The following BCL11B variants were observed in gnomAD, a reference collection of about 807,000 sequenced individuals.
BCL11B encodes the protein B-cell lymphoma/leukemia 11B.
In BCL11B, 8 loss-of-function variants were observed where a neutral mutation model predicts 49.9. The observed-to-expected ratio is 0.16, with a 90% CI of 0.09 to 0.29. The LOEUF (loss-of-function observed/expected upper bound fraction) is 0.29, where lower values mean the gene tolerates loss of function less well. Ranked by LOEUF, BCL11B falls within the 10% of genes least tolerant of loss-of-function variation. BCL11B has a pLI of 1.00. For synonymous variants in BCL11B, 739 were observed against 637.4 expected, an observed-to-expected ratio of 1.16 and a Z score of -2.40; for missense variants, 1,006 against 1,351.0, an observed-to-expected ratio of 0.74 and a Z score of 4.00.
intron 3 of BCL11B, among the ~76,000 whole-genome samples, chr14:99,230,722 A>AGCT (rs2139889426): frequency 6.6e-6 from 1 of 152,228 alleles, no homozygotes; most frequent in East Asian, 1.9e-4. Flanking sequence ...CGGCACAAAC[A>AGCT]GCTGTGTCTG....
At chr14:99,210,082 G>A (rs898839977) in intron 3 of BCL11B, among the ~76,000 whole-genome samples, 9 of 152,112 alleles carry the variant, frequency 5.9e-5, no homozygotes, top group Non-Finnish European at 1.2e-4. Flanking sequence ...TGGGCAGCAC[G>A]ATTGATTAGC....
intron 3 of BCL11B, among the ~76,000 whole-genome samples, chr14:99,177,313 C>A (rs1030134610): frequency 6.6e-6 from 1 of 151,840 alleles, no homozygotes; most frequent in African/African-American, 2.4e-5. Flanking sequence ...TCTGGTGACA[C>A]GGGCAGCAAA....
At position 99,169,819 on chromosome 14, in the gene BCL11B, T is replaced by G. The variant is rs1886229856; in HGVS notation, c.*4332A>C. Reference sequence around the variant, plus strand: ...AAGGCTGATTTCCTTACTTTTCACATTTTGCTTAGAGTAATTCAGTCTCCT... The same window carrying G: ...AAGGCTGATTTCCTTACTTTTCACAGTTTGCTTAGAGTAATTCAGTCTCCT... On this transcript the variant is annotated 3_prime_UTR_variant, in exon 4 of 4. Transcript: ENST00000357195. 1 of 225,410 alleles carries G rather than the reference T, an allele frequency of 4.4e-6. No homozygotes were observed. Among genetic ancestry groups the G allele is most frequent in the Admixed American group, 5.7e-5 (1 of 17,494 alleles). 14.0% of individuals were successfully genotyped at this position (225,410 alleles called of 1,614,324 possible).
At chr14:99,266,543 G>A (rs78706825) in intron 1 of BCL11B, among the ~76,000 whole-genome samples, 1,614 of 152,324 alleles carry the variant, frequency 0.011, 31 homozygotes, top group African/African-American at 0.037. Context: ...AATCAATGGC[G>A]ATAGCTTGAA....
At chr14:99,236,700 C>T (rs1888509783) in intron 2 of BCL11B, among the ~76,000 whole-genome samples, 1 of 152,048 alleles carries the variant, frequency 6.6e-6, no homozygotes, top group African/African-American at 2.4e-5. Flanking sequence ...CAGGGGGCAC[C>T]TCTTGAGAAG....
rs1270350395 is a variant in BCL11B, at chr14:99,228,899, A to C, written c.640+2446T>G. Among the ~76,000 whole-genome samples the C allele has an allele frequency of 6.6e-6, 1 of 152,238 alleles. No individual in the cohort carries two copies. Among genetic ancestry groups the C allele is most frequent in the Non-Finnish European group, 1.5e-5 (1 of 68,050 alleles). On this transcript the variant is annotated intron_variant, in intron 3 of 3. Coordinates refer to ENST00000357195, the MANE Select transcript of BCL11B (RefSeq NM_138576.4). The surrounding 1 kb of genome is among the most constrained non-coding windows in gnomAD (Gnocchi z 4.8). ...GCTAGGTGCCTTCCAAATGGCTTCAAGCTAAAGAATGAATAAATGGATGGA... is the reference window on the plus strand; with the variant it reads ...GCTAGGTGCCTTCCAAATGGCTTCACGCTAAAGAATGAATAAATGGATGGA...
intron 2 of BCL11B, among the ~76,000 whole-genome samples, chr14:99,238,954 T>A (rs1152784): frequency 0.39 from 59,295 of 152,110 alleles, 11,818 homozygotes; most frequent in East Asian, 0.52. Context: ...GTGCATGCAC[T>A]TCTATTATCT....
chr14:99,259,165 G>T (rs1003545567), intron 1 of BCL11B, among the ~76,000 whole-genome samples: 1 of 152,184 alleles, frequency 6.6e-6, no homozygotes, highest in Non-Finnish European at 1.5e-5. Flanking sequence ...GCAGCCAAAG[G>T]TCTGAAACCC....
intron 1 of BCL11B, chr14:99,263,272 A>G (rs909308907): frequency 1.3e-5 from 2 of 153,418 alleles, no homozygotes; most frequent in Non-Finnish European, 2.9e-5. Flanking sequence ...GATACATACC[A>G]CAGCCACCAC....
intron 3 of BCL11B, among the ~76,000 whole-genome samples, chr14:99,199,673 T>C (rs1247590993): frequency 3.1e-3 from 265 of 84,406 alleles, no homozygotes; most frequent in Non-Finnish European, 5.6e-3. Flanking sequence ...TGTGTGTGTG[T>C]GTGTGTGTGT....
rs1889195971 is a variant in BCL11B, at chr14:99,257,368, C to T, written c.427+103G>A. The T allele has an allele frequency of 7.1e-7, 1 of 1,413,204 alleles. No individual in the cohort carries two copies. The highest frequency in any genetic ancestry group is 1.6e-5 in the South Asian group (1 of 62,958). The allele number at this position is 1,413,204 out of a possible 1,614,324, so 87.5% of individuals were successfully genotyped here. On this transcript the variant is annotated intron_variant, in intron 2 of 3. Coordinates refer to ENST00000357195, the MANE Select transcript of BCL11B (RefSeq NM_138576.4). The surrounding 1 kb of genome is among the most constrained non-coding windows in gnomAD (Gnocchi z 6.2). The stretch of plus-strand genomic sequence containing the variant: ...CCCGGCTGGTGGCCCAGAGGCCATC[C>T]TGGAAGCCCCTGGGCCTTCCCCTGC...
rs375678415 is a variant in BCL11B at position 99,207,368 on chromosome 14, G to A, written c.640+23977C>T. ...AACTCTCAGAAATCACCTGGCCAAG[G>A]GCACCTCATCCCTTCCTTTCCAATC... On this transcript the variant is annotated intron_variant, in intron 3 of 3. Transcript: ENST00000357195. Among the ~76,000 whole-genome samples the A allele has an allele frequency of 9.2e-5, 14 of 152,234 alleles. No individual in the cohort carries two copies. In the East Asian group the frequency reaches 1.8e-3, roughly 19 times the overall value.
rs535680637 is a variant in BCL11B at position 99,170,677 on chromosome 14, A to G, written c.*3474T>C. On this transcript the variant is annotated 3_prime_UTR_variant, in exon 4 of 4. Coordinates refer to ENST00000357195, the MANE Select transcript of BCL11B (RefSeq NM_138576.4). ...CACCAAATTCATCCCAGGCCCTCGCATTCGGAAACTGACGGAATGTAGGTT... is the reference window on the plus strand; with the variant it reads ...CACCAAATTCATCCCAGGCCCTCGCGTTCGGAAACTGACGGAATGTAGGTT... The G allele has an allele frequency of 4.3e-6, 1 of 233,450 alleles. No individual in the cohort carries two copies. Among genetic ancestry groups the G allele is most frequent in the Non-Finnish European group, 8.5e-6 (1 of 117,898 alleles). The allele number at this position is 233,450 out of a possible 1,614,324, so 14.5% of individuals were successfully genotyped here. A position where few individuals can be genotyped will look rare whatever the true frequency, so the allele number is the denominator to read the frequency against.
intron 1 of BCL11B, among the ~76,000 whole-genome samples, chr14:99,268,313 C>G (rs146919807): frequency 6.6e-6 from 1 of 151,804 alleles, no homozygotes; most frequent in East Asian, 1.9e-4. Context: ...AAAGACCATG[C>G]GTGCTATTTG....
At chr14:99,176,379 G>A (rs1401211253) in intron 3 of BCL11B, among the ~76,000 whole-genome samples, 184 bp from the exon 4 acceptor site, 1 of 152,186 alleles carries the variant, frequency 6.6e-6, no homozygotes, top group Non-Finnish European at 1.5e-5. Context: ...TGGCTGGGGG[G>A]CCGAAGACGC....
At position 99,257,360 on chromosome 14, in the gene BCL11B, A is replaced by G; in HGVS notation, c.427+111T>C. 7.3e-7 allele frequency: 1 copy of G among 1,376,830 alleles called. No homozygotes were observed. The highest frequency in any genetic ancestry group is 2.4e-5 in the East Asian group (1 of 40,830). The allele number at this position is 1,376,830 out of a possible 1,614,324, so 85.3% of individuals were successfully genotyped here. ...GGGGGAGCCCCGGCTGGTGGCCCAG[A>G]GGCCATCCTGGAAGCCCCTGGGCCT... On this transcript the variant is annotated intron_variant, in intron 2 of 3. Coordinates refer to ENST00000357195, the MANE Select transcript of BCL11B (RefSeq NM_138576.4). This position sits in a 1 kb window ranked among gnomAD's most constrained non-coding sequence, Gnocchi z 6.2.
Position 99,176,194 on chromosome 14 carries a change from A to G in BCL11B, c.642T>C (p.Gly214=). ...APFGCQCQLS[G]KDEPSSYICT... ...AAATGTAGCTGGAAGGCTCATCTTT[A>G]CCTGGGGAAACACACGGACAGAAAG... Residue 214 remains glycine, a splice_region_variant and synonymous_variant, in exon 4 of 4, where the codon GGT becomes GGC. Transcript: ENST00000357195. 2.5e-6 allele frequency: 4 copies of G among 1,610,404 alleles called. No individual in the cohort carries two copies. Among genetic ancestry groups the G allele is most frequent in the Non-Finnish European group, 3.4e-6 (4 of 1,178,438 alleles).
At chr14:99,216,462 T>G (rs768721034) in intron 3 of BCL11B, among the ~76,000 whole-genome samples, 6 of 152,188 alleles carry the variant, frequency 3.9e-5, no homozygotes, top group Non-Finnish European at 5.9e-5. Flanking sequence ...TCCACAGCCC[T>G]TATTCTCTCT....
intron 2 of BCL11B, among the ~76,000 whole-genome samples, chr14:99,237,508 G>A (rs537258602): frequency 7.2e-5 from 11 of 152,212 alleles, no homozygotes; most frequent in Admixed American, 3.3e-4. Context: ...CAGGCAGGGC[G>A]ATGGAGCTCC....
Sources: allele counts gnomAD v4.1 joint callset (sites outside exome capture counted in the v4.1 genomes callset), GRCh38; gene constraint gnomAD v4.1.1; non-coding constraint Gnocchi (gnomAD v3.1); transcripts MANE v1.5; gene names NCBI Gene and HGNC (gene_info 2026-07-23, HGNC 2026-07-21).